Variants in CDH13 observed in about 807,000 individuals in gnomAD.
The protein encoded by CDH13 is cadherin 13, also known as cadherin-13.
Under a neutral mutation model 63.8 loss-of-function variants are expected in CDH13, and 24 were observed. The ratio of observed to expected loss-of-function variants is 0.38; its 90% CI spans 0.27 to 0.53. The LOEUF (loss-of-function observed/expected upper bound fraction) is 0.53. Among genes scored for constraint, CDH13 ranks in the 20% least tolerant of loss-of-function variants. CDH13 has a pLI of 0.85. For missense variants in CDH13, 1,049 were observed against 903.1 expected (o/e 1.16, Z -2.07); for synonymous variants, 503 against 355.3 (o/e 1.42, Z -4.67).
chr16:82,681,250 C>T (rs891369953), intron 1 of CDH13, among the ~76,000 whole-genome samples: 2 of 152,194 alleles, frequency 1.3e-5, no homozygotes, highest in Admixed American at 6.5e-5. Context: ...CCGGTGGCAA[C>T]GACCCCATAC....
chr16:83,736,337 T>C (rs550950612), intron 10 of CDH13, among the ~76,000 whole-genome samples: 1 of 152,336 alleles, frequency 6.6e-6, no homozygotes, highest in East Asian at 1.9e-4. Flanking sequence ...CCTGTTAATA[T>C]GGTAACTAAA....
chr16:82,831,353 T>C (rs1266373323), intron 1 of CDH13, among the ~76,000 whole-genome samples: 1 of 152,134 alleles, frequency 6.6e-6, no homozygotes, highest in Non-Finnish European at 1.5e-5. Context: ...ACAATTCAGC[T>C]TGGTTGATTA....
At chr16:82,998,090 A>C (rs2151418950) in intron 2 of CDH13, among the ~76,000 whole-genome samples, 1 of 152,340 alleles carries the variant, frequency 6.6e-6, no homozygotes, top group South Asian at 2.1e-4. Flanking sequence ...CAAATTTTCT[A>C]GGTTGACATA....
chr16:83,582,854 A>G (rs891787941), intron 7 of CDH13, among the ~76,000 whole-genome samples: 2 of 152,168 alleles, frequency 1.3e-5, no homozygotes, highest in African/African-American at 4.8e-5. Context: ...GAACTCTAAG[A>G]AGCATGGTCC....
rs1567492926 is a variant in CDH13 at position 83,191,464 on chromosome 16, T to TATATATATATATATATATATATATGCAC, written c.484-25867_484-25840dup. Among the ~76,000 whole-genome samples, 203 of 92,330 alleles carry TATATATATATATATATATATATATGCAC rather than the reference T, an allele frequency of 2.2e-3. 3 individuals are homozygous for TATATATATATATATATATATATATGCAC. The highest frequency in any genetic ancestry group is 3.7e-3 in the Non-Finnish European group (168 of 45,872). 60.6% of individuals were successfully genotyped at this position (92,330 alleles called of 152,430 possible). ...AAGGACAGAACTAATAGGAAATATA[T>TATATATATATATATATATATATATGCAC]ATATATATATATATATATATATATG... is the stretch of plus-strand genomic sequence containing the variant. On this transcript the variant is annotated intron_variant, in intron 4 of 13. Transcript: ENST00000567109.
At chr16:82,838,536 C>T (rs1230931151) in intron 1 of CDH13, among the ~76,000 whole-genome samples, 1 of 152,156 alleles carries the variant, frequency 6.6e-6, no homozygotes, top group East Asian at 1.9e-4. Flanking sequence ...GGGAAATTCA[C>T]CAAAGTAATA....
chr16:82,661,718 A>C (rs190331474), intron 1 of CDH13, among the ~76,000 whole-genome samples: 1 of 152,356 alleles, frequency 6.6e-6, no homozygotes, highest in Non-Finnish European at 1.5e-5. Context: ...ATGAATGTAC[A>C]TTGTAGGAAC....
chr16:82,700,190 G>C (rs528115800), intron 1 of CDH13, among the ~76,000 whole-genome samples: 43 of 152,282 alleles, frequency 2.8e-4, no homozygotes, highest in African/African-American at 9.1e-4. Flanking sequence ...TTTCCTGCGG[G>C]ACTTCTCAGA....
chr16:82,666,088 G>A (rs1251343957), intron 1 of CDH13, among the ~76,000 whole-genome samples: 1 of 152,162 alleles, frequency 6.6e-6, no homozygotes, highest in Non-Finnish European at 1.5e-5. Flanking sequence ...TGTGGACTGT[G>A]ATTCTTAAGT....
chr16:83,699,012 T>G (rs1905808047), intron 10 of CDH13, among the ~76,000 whole-genome samples: 1 of 152,242 alleles, frequency 6.6e-6, no homozygotes, highest in East Asian at 1.9e-4. Flanking sequence ...CATTTGTGTG[T>G]GTTCTACTCT....
chr16:83,779,807 A>G (rs1266539776), intron 11 of CDH13, among the ~76,000 whole-genome samples, 161 bp from the exon 12 acceptor site: 1 of 152,220 alleles, frequency 6.6e-6, no homozygotes. Context: ...GCAGTGAGCC[A>G]TGATCGCACC....
In CDH13 at chr16:83,411,907, A is replaced by G. The variant is rs115234317; in HGVS notation, c.781+66901A>G. ...ACATCCCACATTACAGAGGAAAAAC[A>G]CGAGCTTGTAATTGCATGATAAGCG... On this transcript the variant is annotated intron_variant, in intron 6 of 13. Transcript: ENST00000567109. Among the ~76,000 whole-genome samples, 1,452 of 152,310 alleles carry G rather than the reference A, an allele frequency of 9.5e-3. 26 individuals carry two copies. Among genetic ancestry groups the G allele is most frequent in the African/African-American group, 0.033 (1,375 of 41,566 alleles).
In CDH13 at chr16:82,716,291, C is replaced by T. The variant is rs569789867; in HGVS notation, c.45+89154C>T. ...TGGGGAATAGAAACTAACAGCCCAT[C>T]CCGAGCCTGCTTTTCCATGGGAAAG... On this transcript the variant is annotated intron_variant, in intron 1 of 13. Transcript: ENST00000567109. 7.9e-5 allele frequency among the ~76,000 whole-genome samples: 12 copies of T among 152,190 alleles called. No individual in the cohort carries two copies. The South Asian group carries it at 2.5e-3, about 32-fold the overall frequency.
At chr16:83,709,283 C>G (rs1385403478) in intron 10 of CDH13, among the ~76,000 whole-genome samples, 1 of 152,194 alleles carries the variant, frequency 6.6e-6, no homozygotes, top group Non-Finnish European at 1.5e-5. Flanking sequence ...AAGAATAAAT[C>G]TGAGTTGTTT....
intron 6 of CDH13, among the ~76,000 whole-genome samples, chr16:83,385,347 G>A (rs1018293863): frequency 3.3e-5 from 5 of 152,120 alleles, no homozygotes; most frequent in African/African-American, 1.2e-4. Context: ...TAACCCCAGT[G>A]ATAAATGAAT....
intron 1 of CDH13, among the ~76,000 whole-genome samples, chr16:82,718,267 T>C (rs1024252604): frequency 6.6e-6 from 1 of 152,196 alleles, no homozygotes; most frequent in Non-Finnish European, 1.5e-5. Context: ...GGGGTATTTA[T>C]CTACCAACTC....
intron 5 of CDH13, among the ~76,000 whole-genome samples, chr16:83,264,328 T>C (rs1407184935): frequency 6.6e-6 from 1 of 152,204 alleles, no homozygotes; most frequent in Non-Finnish European, 1.5e-5. Context: ...AATCTTTGTT[T>C]ATGAATTTTT....
chr16:83,124,834 G>T (rs2035740565), intron 3 of CDH13, among the ~76,000 whole-genome samples: 1 of 152,124 alleles, frequency 6.6e-6, no homozygotes. Flanking sequence ...TCAGTTGGTT[G>T]TAGGTATGTG....
intron 2 of CDH13, among the ~76,000 whole-genome samples, chr16:82,941,424 C>T (rs1364754086): frequency 4.6e-5 from 7 of 152,156 alleles, no homozygotes; most frequent in Non-Finnish European, 8.8e-5. Flanking sequence ...TACCAAAGGT[C>T]CCCTCCTAGC....
Sources: gnomAD v4.1 joint callset for allele counts (sites outside exome capture counted in the v4.1 genomes callset) on GRCh38, gnomAD v4.1.1 for gene constraint, MANE v1.5 for transcripts, NCBI Gene and HGNC (gene_info 2026-07-23, HGNC 2026-07-21) for gene names.